Variants in ITGA9 observed in about 807,000 individuals in gnomAD.
The protein encoded by ITGA9 is integrin alpha-9.
In ITGA9, 56 loss-of-function variants were observed where a neutral mutation model predicts 127.8. The ratio of observed to expected loss-of-function variants is 0.44; its 90% confidence interval spans 0.35 to 0.55. The LOEUF is 0.55. Among genes scored for constraint, ITGA9 ranks in the 20% least tolerant of loss-of-function variants. ITGA9 has a pLI of 0.00. For synonymous variants in ITGA9, 508 were observed against 514.5 expected, an observed-to-expected ratio of 0.99 and a Z score of 0.17; for missense variants, 1,196 against 1,347.1, an observed-to-expected ratio of 0.89 and a Z score of 1.76.
intron 22 of ITGA9, chr3:37,748,174 C>A: frequency 2.2e-6 from 1 of 460,932 alleles, no homozygotes; most frequent in Non-Finnish European, 4.2e-6. Flanking sequence ...TTTTAGAAAA[C>A]ATGGAGTTGT....
chr3:37,662,490 A>G (rs554829779), intron 17 of ITGA9, among the ~76,000 whole-genome samples: 4 of 152,268 alleles, frequency 2.6e-5, no homozygotes, highest in South Asian at 2.1e-4. Flanking sequence ...TTTACCCTCT[A>G]TTCCTCTCAG....
rs547593961 is a variant in ITGA9 at position 37,468,000 on chromosome 3, C to T, written c.186-3007C>T. On this transcript the variant is annotated intron_variant, in intron 1 of 27. Coordinates refer to ENST00000264741, the MANE Select transcript of ITGA9 (RefSeq NM_002207.3). ...CTTCTCACTGGAGTTTTGTTTTGTACGTCATTGTGCATTTGAGTTACAGCA... is the reference window on the plus strand; with the variant it reads ...CTTCTCACTGGAGTTTTGTTTTGTATGTCATTGTGCATTTGAGTTACAGCA... Among the ~76,000 whole-genome samples, 17 of 152,194 alleles carry T rather than the reference C, an allele frequency of 1.1e-4. No individual in the cohort carries two copies. The South Asian group carries it at 3.5e-3, about 32-fold the overall frequency.
intron 15 of ITGA9, among the ~76,000 whole-genome samples, chr3:37,599,148 G>A (rs1224604350): frequency 6.6e-6 from 1 of 152,232 alleles, no homozygotes; most frequent in Non-Finnish European, 1.5e-5. Flanking sequence ...ACGGCATAGT[G>A]TGTCAGTTAG....
intron 1 of ITGA9, among the ~76,000 whole-genome samples, chr3:37,465,875 C>A (rs1698364608): frequency 6.6e-6 from 1 of 152,072 alleles, no homozygotes; most frequent in Non-Finnish European, 1.5e-5. Context: ...CACTGGGTAC[C>A]TGTTGGTTCC....
At chr3:37,610,529 T>C (rs539788468) in intron 15 of ITGA9, among the ~76,000 whole-genome samples, 4 of 152,334 alleles carry the variant, frequency 2.6e-5, no homozygotes, top group East Asian at 1.9e-4. Flanking sequence ...TGGGATCATA[T>C]TGGCAAACTC....
intron 18 of ITGA9, among the ~76,000 whole-genome samples, 184 bp downstream of exon 18, chr3:37,684,199 GC>G (rs1368177740): frequency 6.6e-6 from 1 of 152,306 alleles, no homozygotes; most frequent in African/African-American, 2.4e-5. Context: ...CAAAGAAGCA[GC>G]CGTAAATGCC....
chr3:37,810,265 G>A (rs918324705), intron 27 of ITGA9, among the ~76,000 whole-genome samples: 2 of 152,150 alleles, frequency 1.3e-5, no homozygotes, highest in African/African-American at 2.4e-5. Flanking sequence ...CCATGCCGCC[G>A]CATTCACAGC....
intron 23 of ITGA9, among the ~76,000 whole-genome samples, chr3:37,771,129 C>T (rs535817211): frequency 7.2e-5 from 11 of 152,236 alleles, no homozygotes; most frequent in East Asian, 3.9e-4. Flanking sequence ...ATTTGGACTC[C>T]GGTAGCCTGG....
At chr3:37,519,217 A>C in intron 10 of ITGA9, 43 bp from the exon 11 acceptor site, 1 of 1,453,648 alleles carries the variant, frequency 6.9e-7, no homozygotes, top group Non-Finnish European at 9.6e-7. Context: ...CACTTGTATT[A>C]TTAATGTGGC....
At chr3:37,802,249 C>A (rs1432152367) in intron 26 of ITGA9, among the ~76,000 whole-genome samples, 1 of 152,100 alleles carries the variant, frequency 6.6e-6, no homozygotes, top group African/African-American at 2.4e-5. Context: ...CTGACACAGA[C>A]AATATTCAAT....
intron 15 of ITGA9, among the ~76,000 whole-genome samples, chr3:37,551,032 T>G (rs6795436): frequency 0.18 from 27,523 of 152,112 alleles, 3,467 homozygotes; most frequent in African/African-American, 0.36. Flanking sequence ...ATCAGAGTCT[T>G]TTTTCTTTCT....
intron 17 of ITGA9, among the ~76,000 whole-genome samples, chr3:37,659,281 T>C (rs1269082280): frequency 6.6e-6 from 1 of 152,206 alleles, no homozygotes; most frequent in Non-Finnish European, 1.5e-5. Flanking sequence ...TTTTCCAACT[T>C]GGTTCCATTC....
In ITGA9 at chr3:37,752,084, C is replaced by T. The variant is rs75315739; in HGVS notation, c.2541+1515C>T. ...TGCTGTAGTGAAGAGGCGAGAGTCC[C>T]CAGATACTTGTTTCAGAGGCCCACA... On this transcript the variant is annotated intron_variant, in intron 23 of 27. Coordinates refer to ENST00000264741, the MANE Select transcript of ITGA9 (RefSeq NM_002207.3). Among the ~76,000 whole-genome samples the T allele has an allele frequency of 4.3e-4, 65 of 152,294 alleles. No homozygotes were observed. The East Asian group carries it at 0.011, about 25-fold the overall frequency.
intron 10 of ITGA9, among the ~76,000 whole-genome samples, chr3:37,518,020 A>G (rs1402952782): frequency 6.6e-6 from 1 of 151,974 alleles, no homozygotes; most frequent in Non-Finnish European, 1.5e-5. Context: ...GAAATGAGTG[A>G]GGAGAGAATT....
intron 15 of ITGA9, among the ~76,000 whole-genome samples, chr3:37,555,002 ACC>A (rs749264791): frequency 3.9e-4 from 60 of 152,230 alleles, no homozygotes; most frequent in Non-Finnish European, 7.8e-4. Context: ...TGATGAGATC[ACC>A]CAGGGTGTGA....
chr3:37,559,818 G>A (rs1322154332), intron 15 of ITGA9, among the ~76,000 whole-genome samples: 1 of 152,186 alleles, frequency 6.6e-6, no homozygotes, highest in Non-Finnish European at 1.5e-5. Flanking sequence ...CTTGATTTAG[G>A]TGAAGGGGGG....
chr3:37,622,490 G>A (rs1700137675), intron 15 of ITGA9, among the ~76,000 whole-genome samples: 1 of 152,020 alleles, frequency 6.6e-6, no homozygotes, highest in South Asian at 2.1e-4. Context: ...TTATAATAAG[G>A]ATTTATTTCA....
intron 18 of ITGA9, among the ~76,000 whole-genome samples, chr3:37,685,418 A>G (rs1283734957): frequency 6.6e-6 from 1 of 152,172 alleles, no homozygotes; most frequent in African/African-American, 2.4e-5. Context: ...CTTTCCATCC[A>G]CTTTCTATAT....
chr3:37,482,066 G>T (rs1236341292), intron 4 of ITGA9, among the ~76,000 whole-genome samples: 1 of 152,172 alleles, frequency 6.6e-6, no homozygotes, highest in Non-Finnish European at 1.5e-5. Context: ...CAGTCATTAG[G>T]CTCCCACACA....
Sources: gnomAD v4.1 joint callset for allele counts (sites outside exome capture counted in the v4.1 genomes callset) on GRCh38, gnomAD v4.1.1 for gene constraint, MANE v1.5 for transcripts, NCBI Gene and HGNC (gene_info 2026-07-23, HGNC 2026-07-21) for gene names.